PPFIBP1: variants seen among roughly 807,000 people sequenced by gnomAD.
PPFIBP1 encodes the protein PPFIB scaffold protein 1.
PPFIBP1 carries 112 observed loss-of-function variants against 137.8 expected under a neutral mutation model. The observed-to-expected ratio is 0.81, with a 90% CI of 0.70 to 0.95. The LOEUF is 0.95. Ranked by LOEUF, PPFIBP1 falls within the 40% of genes least tolerant of loss-of-function variation. The pLI is 0.00. For synonymous variants in PPFIBP1, 378 were observed against 417.3 expected, an observed-to-expected ratio of 0.91 and a Z score of 1.15; for missense variants, 1,083 against 1,196.6, an observed-to-expected ratio of 0.91 and a Z score of 1.40.
At position 27,598,508 on chromosome 12, in the gene PPFIBP1, C is replaced by G. The variant is rs189729098; in HGVS notation, c.-36+20269C>G. 1.8e-4 allele frequency among the ~76,000 whole-genome samples: 28 copies of G among 151,844 alleles called. No homozygotes were observed. In the East Asian group the frequency reaches 5.2e-3, roughly 28 times the overall value. ...ATTTGAGATTTGGGTGAGGACATAG[C>G]CAAACCATATCTGATATATTCTCTA... On this transcript the variant is annotated intron_variant, in intron 2 of 29. Coordinates refer to ENST00000228425, the MANE Select transcript of PPFIBP1 (RefSeq NM_003622.4).
intron 1 of PPFIBP1, among the ~76,000 whole-genome samples, chr12:27,544,107 C>T (rs191559538): frequency 8.5e-4 from 129 of 152,150 alleles, no homozygotes; most frequent in African/African-American, 2.9e-3. Flanking sequence ...GTCTCAAACT[C>T]CTGGGCTCAA....
chr12:27,687,641 C>T (rs2061281047), intron 25 of PPFIBP1, 134 bp downstream of exon 25: 2 of 1,064,614 alleles, frequency 1.9e-6, no homozygotes, highest in African/African-American at 3.2e-5. Context: ...ACTTCTTAGG[C>T]TTTTTCTGTA....
At position 27,682,077 on chromosome 12, in the gene PPFIBP1, C is replaced by A. The variant is rs964857457; in HGVS notation, c.2047-310C>A. 2.0e-5 allele frequency among the ~76,000 whole-genome samples: 3 copies of A among 148,486 alleles called. No individual in the cohort carries two copies. The East Asian group carries it at 5.8e-4, about 29-fold the overall frequency. ...CTACAATTTGTGTCTAATTATTTAA[C>A]ATTTCTTCCAAATTATTTAATATTT... On this transcript the variant is annotated intron_variant, in intron 22 of 29. Coordinates refer to ENST00000228425, the MANE Select transcript of PPFIBP1 (RefSeq NM_003622.4).
intron 2 of PPFIBP1, among the ~76,000 whole-genome samples, chr12:27,588,659 G>A (rs760096748): frequency 6.6e-6 from 1 of 152,156 alleles, no homozygotes; most frequent in Admixed American, 6.5e-5. Context: ...TGCTGCAGGT[G>A]AGGAAAAACT....
intron 1 of PPFIBP1, among the ~76,000 whole-genome samples, chr12:27,531,501 C>G (rs1198811384): frequency 6.6e-6 from 1 of 151,052 alleles, no homozygotes; most frequent in African/African-American, 2.4e-5. Context: ...CAGGGTTTCA[C>G]CATCGTGGCC....
rs1243140906 is a variant in PPFIBP1, at chr12:27,682,418, A to G, written c.2078A>G (p.Lys693Arg). ...GGAATCAAGCATTCACTTCATCGAA[A>G]GAAACTCCAGCTAGCACTCCAAGCC... ...ELGIKHSLHR[K>R]KLQLALQALG... Residue 693 changes from lysine to arginine, a missense_variant, in exon 23 of 30, where the codon AAG (lysine) becomes AGG (arginine). Physicochemically the swap from Lys to Arg is conservative, Grantham distance 26. Coordinates refer to ENST00000228425, the MANE Select transcript of PPFIBP1 (RefSeq NM_003622.4). The G allele has an allele frequency of 1.2e-6, 2 of 1,613,826 alleles. No homozygotes were observed. Among genetic ancestry groups the G allele is most frequent in the Non-Finnish European group, 1.7e-6 (2 of 1,179,810 alleles).
chr12:27,586,014 A>G (rs564323292), intron 2 of PPFIBP1, among the ~76,000 whole-genome samples: 3 of 152,366 alleles, frequency 2.0e-5, no homozygotes, highest in East Asian at 3.9e-4. Flanking sequence ...ATTAGGAACA[A>G]TAGCAGATTT....
intron 2 of PPFIBP1, among the ~76,000 whole-genome samples, chr12:27,589,216 G>A (rs1343993696): frequency 6.6e-6 from 1 of 152,154 alleles, no homozygotes; most frequent in Non-Finnish European, 1.5e-5. Flanking sequence ...GTTCTTTATT[G>A]TTGGTGTAAG....
In PPFIBP1 at chr12:27,687,482, G is replaced by A. The variant is rs1247570072; in HGVS notation, c.2345G>A (p.Cys782Tyr). Reference protein sequence around the residue: ...VLRINNFEPNCLRRRPSDENT... With the variant: ...VLRINNFEPNYLRRRPSDENT... ...AGGATCAATAACTTTGAACCAAACT[G>A]TCTACGGAGGCGGCCATCTGATGAG... The change falls in exon 25 of 30, where the codon TGT (cysteine) becomes TAT (tyrosine). Residue 782 changes from cysteine (C) to tyrosine (Y), a missense_variant. Cys to Tyr is a radical substitution (Grantham distance 194). Coordinates refer to ENST00000228425, the MANE Select transcript of PPFIBP1 (RefSeq NM_003622.4). 6.2e-7 allele frequency: 1 copy of A among 1,613,788 alleles called. No homozygotes were observed. Among genetic ancestry groups the A allele is most frequent in the East Asian group, 2.2e-5 (1 of 44,886 alleles).
At chr12:27,644,635 C>A (rs1221162345) in intron 4 of PPFIBP1, among the ~76,000 whole-genome samples, 2 of 152,056 alleles carry the variant, frequency 1.3e-5, no homozygotes, top group Admixed American at 1.3e-4. Context: ...TTATGTTAGT[C>A]CCCAGGAATG....
chr12:27,670,788 A>ATAAT (rs57738136), intron 13 of PPFIBP1, among the ~76,000 whole-genome samples: 29,493 of 134,038 alleles, frequency 0.22, 3,415 homozygotes, highest in East Asian at 0.27. Context: ...CAAAAAAAAA[A>ATAAT]AAAAAAAATA....
chr12:27,596,585 C>T (rs904995979), intron 2 of PPFIBP1, among the ~76,000 whole-genome samples: 7 of 151,944 alleles, frequency 4.6e-5, no homozygotes, highest in Admixed American at 4.6e-4. Context: ...ACAATGATGC[C>T]ATCATAACTC....
At chr12:27,550,768 CAA>C (rs958543186) in intron 1 of PPFIBP1, among the ~76,000 whole-genome samples, 15 of 152,082 alleles carry the variant, frequency 9.9e-5, no homozygotes, top group African/African-American at 3.4e-4. Context: ...TGGCTGATTT[CAA>C]AGTTTGTGGT....
At chr12:27,628,973 A>T (rs894580247) in intron 2 of PPFIBP1, among the ~76,000 whole-genome samples, 2 of 152,198 alleles carry the variant, frequency 1.3e-5, no homozygotes, top group Non-Finnish European at 2.9e-5. Flanking sequence ...GTGCTGGAGT[A>T]TTTAAAGCTG....
At position 27,658,744 on chromosome 12, in the gene PPFIBP1, G is replaced by A. The variant is rs148657383; in HGVS notation, c.812-72G>A. On this transcript the variant is annotated intron_variant, in intron 9 of 29. Transcript: ENST00000228425. ...ATTTTAGGTAAAAAGAGACTAAATA[G>A]TAGTGATTTAAAAATATTACTTATT... The A allele has an allele frequency of 1.6e-5, 23 of 1,457,292 alleles. No homozygotes were observed. The African/African-American group carries it at 2.5e-4, about 16-fold the overall frequency. 90.3% of individuals were successfully genotyped at this position (1,457,292 alleles called of 1,614,324 possible). A position where few individuals can be genotyped will look rare whatever the true frequency, so the allele number is the denominator to read the frequency against.
intron 2 of PPFIBP1, among the ~76,000 whole-genome samples, chr12:27,595,881 AACAAAATATAT>A (rs1315014407): frequency 3.1e-5 from 1 of 32,522 alleles, no homozygotes; most frequent in African/African-American, 1.2e-4. Context: ...CAACAACAAC[AACAAAATATAT>A]ATATATATAT....
intron 1 of PPFIBP1, among the ~76,000 whole-genome samples, chr12:27,554,762 C>T (rs1392217984): frequency 6.6e-6 from 1 of 152,070 alleles, no homozygotes; most frequent in Non-Finnish European, 1.5e-5. Flanking sequence ...GGAGATCCTA[C>T]ATCTGGAGTC....
At chr12:27,670,489 G>T (rs964126278) in intron 13 of PPFIBP1, among the ~76,000 whole-genome samples, 21 of 152,144 alleles carry the variant, frequency 1.4e-4, no homozygotes, top group Admixed American at 6.5e-4. Flanking sequence ...AAGTAAAAAT[G>T]GAGCTTTTCG....
intron 13 of PPFIBP1, among the ~76,000 whole-genome samples, chr12:27,668,806 C>T (rs922952501): frequency 6.6e-5 from 10 of 152,064 alleles, no homozygotes; most frequent in Admixed American, 3.3e-4. Flanking sequence ...TCAATGAGAC[C>T]GCACTACTGT....
Sources: allele counts gnomAD v4.1 joint callset (sites outside exome capture counted in the v4.1 genomes callset), GRCh38; gene constraint gnomAD v4.1.1; transcripts MANE v1.5; gene names NCBI Gene and HGNC (gene_info 2026-07-23, HGNC 2026-07-21).